The following EYA1 variants were observed in gnomAD, a reference collection of about 807,000 sequenced individuals.
EYA1 encodes EYA transcriptional coactivator and phosphatase 1, also known as protein phosphatase EYA1.
Under a neutral mutation model 82.0 loss-of-function variants are expected in EYA1, and 16 were observed. That is an observed-to-expected ratio of 0.20 (90% CI 0.13 to 0.30). The LOEUF (loss-of-function observed/expected upper bound fraction) is 0.30, where lower values mean the gene tolerates loss of function less well. Ranked by LOEUF, EYA1 falls within the 10% of genes least tolerant of loss-of-function variation. The probability of loss-of-function intolerance (pLI) is 1.00; values close to 1 mark genes in which losing one functional copy is unlikely to be tolerated. For missense variants in EYA1, 633 were observed against 730.7 expected (o/e 0.87, Z 1.54); for synonymous variants, 261 against 264.4 (o/e 0.99, Z 0.12).
intron 2 of EYA1, among the ~76,000 whole-genome samples, chr8:71,471,561 C>G (rs1809213522): frequency 6.6e-6 from 1 of 151,964 alleles, no homozygotes; most frequent in African/African-American, 2.4e-5. Context: ...AAATAAAACA[C>G]AAAAGTGATC....
chr8:71,286,746 A>G lies in EYA1; in HGVS notation c.826+12301T>C, dbSNP rs553615286. On this transcript the variant is annotated intron_variant, in intron 9 of 17. Coordinates refer to ENST00000340726, the MANE Select transcript of EYA1 (RefSeq NM_000503.6). ...AGATCTATGAAGTTATGGGTCATCA[A>G]ACCTTCAAAGTTACGTGTGATAGTG... Among the ~76,000 whole-genome samples, 4 of 152,088 alleles carry G rather than the reference A, an allele frequency of 2.6e-5. No homozygotes were observed. In the South Asian group the frequency reaches 8.3e-4, roughly 32 times the overall value.
chr8:71,512,415 G>T (rs527769136), intron 2 of EYA1, among the ~76,000 whole-genome samples: 67 of 151,670 alleles, frequency 4.4e-4, no homozygotes, highest in Non-Finnish European at 8.1e-4. Context: ...AAAAAGCTCA[G>T]ATGAGACAAT....
At chr8:71,269,668 A>C (rs752490926) in intron 11 of EYA1, 72 bp downstream of exon 11, 20 of 1,079,766 alleles carry the variant, frequency 1.9e-5, no homozygotes, top group Non-Finnish European at 2.5e-5. Context: ...AATTACATTC[A>C]TTTGGATAAT....
intron 12 of EYA1, among the ~76,000 whole-genome samples, chr8:71,232,368 G>A (rs1036670751): frequency 2.0e-5 from 3 of 152,354 alleles, no homozygotes; most frequent in South Asian, 2.1e-4. Flanking sequence ...GCTGCATGCC[G>A]TGACACCACC....
intron 2 of EYA1, among the ~76,000 whole-genome samples, chr8:71,378,760 A>G (rs1828522700): frequency 6.6e-6 from 1 of 152,160 alleles, no homozygotes; most frequent in South Asian, 2.1e-4. Flanking sequence ...CGAAACCTTT[A>G]CTACATCCTA....
chr8:71,401,107 A>T (rs1277092367), intron 2 of EYA1, among the ~76,000 whole-genome samples: 1 of 152,130 alleles, frequency 6.6e-6, no homozygotes, highest in Non-Finnish European at 1.5e-5. Context: ...GGACACAGGG[A>T]GGGGAACGAA....
chr8:71,363,246 C>G (rs945384106), upstream of EYA1, among the ~76,000 whole-genome samples: 2 of 151,960 alleles, frequency 1.3e-5, no homozygotes, highest in African/African-American at 4.8e-5. Context: ...ATTTCCAGAT[C>G]GTCAACTAAT....
chr8:71,302,414 A>T (rs565760185), intron 7 of EYA1, among the ~76,000 whole-genome samples: 1 of 152,152 alleles, frequency 6.6e-6, no homozygotes, highest in Non-Finnish European at 1.5e-5. Flanking sequence ...CAGTACTCCA[A>T]ATGGCACCCA....
intron 11 of EYA1, among the ~76,000 whole-genome samples, chr8:71,264,051 A>G (rs577244380): frequency 9.8e-5 from 15 of 152,308 alleles, no homozygotes; most frequent in Middle Eastern, 3.4e-3. Flanking sequence ...GCAAAGCCTG[A>G]AATATTTACT....
At chr8:71,342,673 T>C (rs921644904) in intron 3 of EYA1, among the ~76,000 whole-genome samples, 2 of 152,160 alleles carry the variant, frequency 1.3e-5, no homozygotes, top group African/African-American at 4.8e-5. Flanking sequence ...AGAATGTCCA[T>C]ATGTGAAAGA....
intron 17 of EYA1, among the ~76,000 whole-genome samples, chr8:71,208,668 T>C (rs530684137): frequency 5.3e-5 from 8 of 152,222 alleles, no homozygotes; most frequent in South Asian, 2.1e-4. Flanking sequence ...ACATGGCACA[T>C]GTATACCTAT....
At chr8:71,200,697 T>C (rs1806871450) in intron 17 of EYA1, among the ~76,000 whole-genome samples, 1 of 152,058 alleles carries the variant, frequency 6.6e-6, no homozygotes, top group African/African-American at 2.4e-5. Flanking sequence ...GAGCACACTG[T>C]GTCAGGTGTA....
At chr8:71,512,900 C>T (rs929413793) in intron 2 of EYA1, among the ~76,000 whole-genome samples, 29 of 152,082 alleles carry the variant, frequency 1.9e-4, no homozygotes, top group African/African-American at 6.8e-4. Flanking sequence ...ATGTAAGTTG[C>T]TACTAAGCCT....
At chr8:71,331,040 C>T (rs1586403099) in intron 4 of EYA1, among the ~76,000 whole-genome samples, 1 of 151,988 alleles carries the variant, frequency 6.6e-6, no homozygotes, top group East Asian at 1.9e-4. Context: ...ATCATCCTGG[C>T]CAACATGGTG....
intron 2 of EYA1, among the ~76,000 whole-genome samples, chr8:71,523,167 T>TTTTTTA: frequency 7.7e-6 from 1 of 130,474 alleles, no homozygotes; most frequent in Admixed American, 8.8e-5. Context: ...TTTTCTTTTC[T>TTTTTTA]TTTTTCTTTT....
At chr8:71,460,681 T>C (rs919795137) in intron 2 of EYA1, among the ~76,000 whole-genome samples, 2 of 152,130 alleles carry the variant, frequency 1.3e-5, no homozygotes, top group Admixed American at 6.5e-5. Flanking sequence ...AGTGCACATA[T>C]TGTCTTATGC....
chr8:71,511,075 G>A (rs1052378025), intron 2 of EYA1, among the ~76,000 whole-genome samples: 1 of 151,856 alleles, frequency 6.6e-6, no homozygotes, highest in African/African-American at 2.4e-5. Context: ...ATTACTGTAA[G>A]AGTCTCCTAA....
rs1188472688 is a variant in EYA1, at chr8:71,334,015, A to T, written c.202+82T>A. 12 of 902,474 alleles carry T rather than the reference A, an allele frequency of 1.3e-5. No homozygotes were observed. In the Admixed American group the frequency reaches 1.4e-4, roughly 10 times the overall value. 55.9% of individuals were successfully genotyped at this position (902,474 alleles called of 1,614,324 possible). ...CATATATACACATATACATGTATAC[A>T]TATACATACACAGGGACATTACATG... On this transcript the variant is annotated intron_variant, in intron 4 of 17. Transcript: ENST00000340726.
At chr8:71,316,354 A>G (rs1241043746) in intron 7 of EYA1, among the ~76,000 whole-genome samples, 1 of 152,184 alleles carries the variant, frequency 6.6e-6, no homozygotes, top group Non-Finnish European at 1.5e-5. Flanking sequence ...ATAGTAGGGA[A>G]CTAGGTAAAT....
Sources: allele counts gnomAD v4.1 joint callset (sites outside exome capture counted in the v4.1 genomes callset), GRCh38; gene constraint gnomAD v4.1.1; transcripts MANE v1.5; gene names NCBI Gene and HGNC (gene_info 2026-07-23, HGNC 2026-07-21).